Variants in ATP8A2 observed in about 807,000 individuals in gnomAD.
ATP8A2 encodes ATPase phospholipid transporting 8A2, also known as phospholipid-transporting ATPase IB.
Under a neutral mutation model 165.6 loss-of-function variants are expected in ATP8A2, and 100 were observed. That is an observed-to-expected ratio of 0.60 (90% CI 0.51 to 0.71). The LOEUF is 0.71. ATP8A2 is among the 30% of genes least tolerant of loss of function. ATP8A2 has a pLI of 0.00. For missense variants in ATP8A2, 1,227 were observed against 1,479.5 expected (o/e 0.83, Z 2.80); for synonymous variants, 543 against 548.8 (o/e 0.99, Z 0.15).
At chr13:26,014,334 TGCTATA>T (rs1956917025) in intron 36 of ATP8A2, among the ~76,000 whole-genome samples, 1 of 152,222 alleles carries the variant, frequency 6.6e-6, no homozygotes, top group South Asian at 2.1e-4. Flanking sequence ...CTTTATCTGG[TGCTATA>T]GCCAAGGAGG....
At chr13:25,641,523 A>C (rs1302727193) in intron 24 of ATP8A2, among the ~76,000 whole-genome samples, 1 of 152,204 alleles carries the variant, frequency 6.6e-6, no homozygotes, top group Non-Finnish European at 1.5e-5. Flanking sequence ...AAAGAGAATA[A>C]AATACCTAGG....
chr13:25,632,017 C>A (rs565917896), intron 24 of ATP8A2, among the ~76,000 whole-genome samples: 4 of 152,054 alleles, frequency 2.6e-5, no homozygotes, highest in Non-Finnish European at 5.9e-5. Context: ...GCAAGCCCCA[C>A]CCCCTGACAC....
intron 35 of ATP8A2, among the ~76,000 whole-genome samples, chr13:26,000,700 CAA>C (rs5802358): frequency 3.6e-5 from 4 of 110,182 alleles, no homozygotes; most frequent in East Asian, 2.6e-4. Context: ...AGTACAGAGC[CAA>C]AAAAAAAAAA....
At chr13:25,568,289 T>A (rs892175468) in intron 16 of ATP8A2, among the ~76,000 whole-genome samples, 1 of 152,206 alleles carries the variant, frequency 6.6e-6, no homozygotes, top group African/African-American at 2.4e-5. Flanking sequence ...GAAGAAGATA[T>A]AACTTTCTTT....
chr13:25,527,965 T>C (rs1226070033), intron 2 of ATP8A2, among the ~76,000 whole-genome samples: 1 of 152,200 alleles, frequency 6.6e-6, no homozygotes, highest in Non-Finnish European at 1.5e-5. Flanking sequence ...TTTCTTTTTG[T>C]TTTTTGCTGA....
At chr13:25,672,448 G>C (rs1022793120) in intron 24 of ATP8A2, among the ~76,000 whole-genome samples, 1 of 151,910 alleles carries the variant, frequency 6.6e-6, no homozygotes, top group African/African-American at 2.4e-5. Context: ...TTTCTCTTTG[G>C]GGTGGGAATG....
At chr13:25,862,509 G>A (rs1482267092) in intron 33 of ATP8A2, 101 bp downstream of exon 33, 1 of 851,464 alleles carries the variant, frequency 1.2e-6, no homozygotes. Flanking sequence ...GCCACGATGA[G>A]CTTCAGGAGA....
chr13:25,793,626 C>T (rs9581445), intron 27 of ATP8A2, among the ~76,000 whole-genome samples: 155 of 151,432 alleles, frequency 1.0e-3, no homozygotes, highest in African/African-American at 3.7e-3. Context: ...ACAAATACTA[C>T]ATGTACTATC....
At chr13:25,450,116 T>C (rs1243674098) in intron 1 of ATP8A2, among the ~76,000 whole-genome samples, 2 of 152,228 alleles carry the variant, frequency 1.3e-5, no homozygotes, top group African/African-American at 4.8e-5. Context: ...CTAAGGATAA[T>C]GGCCTCAAGC....
chr13:25,837,309 C>A (rs769161362), intron 29 of ATP8A2, 24 bp downstream of exon 29: 4 of 1,612,724 alleles, frequency 2.5e-6, no homozygotes, highest in Non-Finnish European at 3.4e-6. Flanking sequence ...GATCTCAGAA[C>A]TGTCACCTCA....
intron 33 of ATP8A2, among the ~76,000 whole-genome samples, chr13:25,893,112 C>A (rs1953428621): frequency 6.6e-6 from 1 of 151,472 alleles, no homozygotes; most frequent in African/African-American, 2.4e-5. Flanking sequence ...AGGTTTGTTA[C>A]ATATGTATAC....
intron 25 of ATP8A2, among the ~76,000 whole-genome samples, chr13:25,718,734 A>T (rs2043308441): frequency 6.6e-6 from 1 of 152,252 alleles, no homozygotes; most frequent in South Asian, 2.1e-4. Flanking sequence ...AAAGATTAAA[A>T]CACCAGTAAA....
chr13:25,745,002 A>G (rs7336443), intron 25 of ATP8A2, among the ~76,000 whole-genome samples: 54,800 of 151,628 alleles, frequency 0.36, 10,382 homozygotes, highest in East Asian at 0.47. Flanking sequence ...GTGCAGTGGC[A>G]CGATCTTGGC....
At position 25,839,580 on chromosome 13, in the gene ATP8A2, A is replaced by T; in HGVS notation, c.2912A>T (p.His971Leu). ...GGTCACTGCATCAACGCCTTGGTCC[A>T]CTCCCTCATCCTCTTCTGGTTTCCC... Reference protein sequence around the residue: ...FWGHCINALVHSLILFWFPMK... With the variant: ...FWGHCINALVLSLILFWFPMK... Residue 971 changes from histidine to leucine, a missense_variant, in exon 30 of 37, where the codon CAC becomes CTC. His to Leu is a moderately conservative substitution (Grantham distance 99). Coordinates refer to ENST00000381655, the MANE Select transcript of ATP8A2 (RefSeq NM_016529.6). 6.2e-7 allele frequency: 1 copy of T among 1,613,850 alleles called. No homozygotes were observed. The highest frequency in any genetic ancestry group is 2.2e-5 in the East Asian group (1 of 44,856).
chr13:25,775,054 G>A (rs1334805706), intron 27 of ATP8A2, 95 bp downstream of exon 27: 5 of 718,216 alleles, frequency 7.0e-6, no homozygotes, highest in Non-Finnish European at 1.1e-5. Flanking sequence ...TTTTGTTCAT[G>A]TAAAATTAAA....
chr13:25,902,939 G>GCACGCACACACACACA (rs1953803526), intron 33 of ATP8A2, among the ~76,000 whole-genome samples: 1 of 140,526 alleles, frequency 7.1e-6, no homozygotes, highest in Non-Finnish European at 1.5e-5. Flanking sequence ...TCCTCAGCAT[G>GCACGCACACACACACA]CACACACACA....
chr13:25,570,622 G>C, intron 16 of ATP8A2, 145 bp from the exon 17 acceptor site: 1 of 570,218 alleles, frequency 1.8e-6, no homozygotes, highest in Non-Finnish European at 3.1e-6. Flanking sequence ...GGTAGGAGGG[G>C]GATCTGAGGT....
chr13:25,725,628 A>G (rs2043476790), intron 25 of ATP8A2, among the ~76,000 whole-genome samples: 1 of 152,234 alleles, frequency 6.6e-6, no homozygotes, highest in Admixed American at 6.5e-5. Flanking sequence ...GAATGACTCC[A>G]GGTAGACCAG....
chr13:25,736,540 T>A (rs2043773260), intron 25 of ATP8A2, among the ~76,000 whole-genome samples: 1 of 152,214 alleles, frequency 6.6e-6, no homozygotes, highest in East Asian at 1.9e-4. Context: ...AGTGTGACTT[T>A]GGACACAAGT....
Sources: gnomAD v4.1 joint callset for allele counts (sites outside exome capture counted in the v4.1 genomes callset) on GRCh38, gnomAD v4.1.1 for gene constraint, MANE v1.5 for transcripts, NCBI Gene and HGNC (gene_info 2026-07-23, HGNC 2026-07-21) for gene names.